Variants in SNTG2 observed in about 807,000 individuals in gnomAD.
The protein encoded by SNTG2 is gamma-2-syntrophin.
A neutral mutation model predicts 70.9 loss-of-function variants in SNTG2; 74 were observed. That is an observed-to-expected ratio of 1.04 (90% CI 0.86 to 1.27). SNTG2 has a LOEUF of 1.27. Ranked by LOEUF, SNTG2 falls within the 50% of genes most tolerant of loss-of-function variation. The pLI is 0.00. For synonymous variants in SNTG2, 278 were observed against 273.8 expected (o/e 1.02, Z -0.15); for missense variants, 717 against 690.7 (o/e 1.04, Z -0.43).
chr2:1,223,364 G>C (rs909293425), intron 9 of SNTG2, among the ~76,000 whole-genome samples: 4 of 73,556 alleles, frequency 5.4e-5, no homozygotes, highest in Non-Finnish European at 1.2e-4. Flanking sequence ...CTGTCCTGCC[G>C]TGGAGGTGCT....
At chr2:970,189 C>G (rs1363003283) in intron 1 of SNTG2, among the ~76,000 whole-genome samples, 1 of 152,160 alleles carries the variant, frequency 6.6e-6, no homozygotes, top group East Asian at 1.9e-4. Context: ...GTTGAACCAA[C>G]CTTGCATCCC....
chr2:1,247,577 G>A, intron 12 of SNTG2, 134 bp downstream of exon 12: 2 of 623,548 alleles, frequency 3.2e-6, no homozygotes, highest in South Asian at 4.0e-5. Context: ...TTTCTGCATG[G>A]TTGGAAAGGA....
chr2:1,255,195 C>T (rs145131350), intron 12 of SNTG2, among the ~76,000 whole-genome samples: 9 of 152,282 alleles, frequency 5.9e-5, no homozygotes, highest in African/African-American at 2.2e-4. Context: ...ATTCGTTTGT[C>T]CAATGAGCGG....
At chr2:965,591 C>G (rs188284703) in intron 1 of SNTG2, among the ~76,000 whole-genome samples, 1 of 151,742 alleles carries the variant, frequency 6.6e-6, no homozygotes, top group Admixed American at 6.6e-5. Flanking sequence ...CTGTGGCCCC[C>G]TCCTCCTCCG....
intron 14 of SNTG2, among the ~76,000 whole-genome samples, chr2:1,278,923 C>T (rs901616894): frequency 1.3e-5 from 2 of 150,494 alleles, no homozygotes; most frequent in Admixed American, 6.6e-5. Context: ...CCCCGGGACG[C>T]GAATCACCCC....
intron 1 of SNTG2, among the ~76,000 whole-genome samples, chr2:1,037,350 G>A (rs1379875145): frequency 2.0e-5 from 3 of 152,226 alleles, no homozygotes; most frequent in Non-Finnish European, 2.9e-5. Flanking sequence ...AGGCTATGCT[G>A]CCATAGCCCT....
intron 8 of SNTG2, among the ~76,000 whole-genome samples, chr2:1,178,937 C>T (rs1380525915): frequency 6.6e-6 from 1 of 151,966 alleles, no homozygotes. Context: ...TGGTCCTGGA[C>T]TCTTTTTGGT....
At chr2:1,258,355 G>A (rs1045422378) in intron 12 of SNTG2, among the ~76,000 whole-genome samples, 2 of 152,146 alleles carry the variant, frequency 1.3e-5, no homozygotes, top group African/African-American at 2.4e-5. Flanking sequence ...CTTAAAGTTC[G>A]TATTCTAATT....
At chr2:1,225,643 A>G (rs1675723341) in intron 9 of SNTG2, among the ~76,000 whole-genome samples, 1 of 152,152 alleles carries the variant, frequency 6.6e-6, no homozygotes, top group Non-Finnish European at 1.5e-5. Context: ...TCCTGTGCAC[A>G]CTCAGTCCTG....
intron 14 of SNTG2, among the ~76,000 whole-genome samples, chr2:1,301,913 C>T (rs560857062): frequency 1.3e-5 from 2 of 151,066 alleles, no homozygotes; most frequent in East Asian, 3.9e-4. Flanking sequence ...CCATGGTGAG[C>T]GAGAGTGCAG....
At chr2:1,144,297 A>G (rs1668957060) in intron 6 of SNTG2, among the ~76,000 whole-genome samples, 1 of 152,186 alleles carries the variant, frequency 6.6e-6, no homozygotes, top group African/African-American at 2.4e-5. Flanking sequence ...CCAGAAATGG[A>G]TAGACCCACC....
At chr2:1,002,075 G>C (rs1572209396) in intron 1 of SNTG2, among the ~76,000 whole-genome samples, 1 of 152,138 alleles carries the variant, frequency 6.6e-6, no homozygotes, top group Middle Eastern at 3.4e-3. Flanking sequence ...GAAGAATTCA[G>C]CTGGATCCAT....
intron 1 of SNTG2, among the ~76,000 whole-genome samples, chr2:1,016,292 A>G (rs1659889483): frequency 6.6e-6 from 1 of 152,150 alleles, no homozygotes; most frequent in Non-Finnish European, 1.5e-5. Flanking sequence ...CCCAGGCTGG[A>G]GTTCAGTGGC....
chr2:1,044,191 A>G (rs763790435), intron 1 of SNTG2, among the ~76,000 whole-genome samples: 4 of 151,846 alleles, frequency 2.6e-5, no homozygotes, highest in Non-Finnish European at 4.4e-5. Flanking sequence ...GCTGTTGTGA[A>G]TTTGGCTCTC....
At chr2:993,315 G>A (rs913111611) in intron 1 of SNTG2, among the ~76,000 whole-genome samples, 3 of 146,452 alleles carry the variant, frequency 2.0e-5, no homozygotes, top group Non-Finnish European at 4.4e-5. Context: ...TTAGCATAAT[G>A]ATTTCAAGTT....
intron 1 of SNTG2, among the ~76,000 whole-genome samples, chr2:967,845 A>C (rs956766079): frequency 2.0e-5 from 3 of 152,204 alleles, no homozygotes; most frequent in African/African-American, 7.2e-5. Flanking sequence ...CCTGGCCAAC[A>C]TGGTGAAACC....
chr2:1,070,125 CCAGT>C (rs1663433786), intron 1 of SNTG2, among the ~76,000 whole-genome samples: 1 of 151,954 alleles, frequency 6.6e-6, no homozygotes, highest in Non-Finnish European at 1.5e-5. Context: ...GCAATTTCTG[CCAGT>C]CAGTCTGAGG....
chr2:975,115 A>G (rs1660868019), intron 1 of SNTG2, among the ~76,000 whole-genome samples: 1 of 151,706 alleles, frequency 6.6e-6, no homozygotes, highest in African/African-American at 2.4e-5. Context: ...CACACCACAC[A>G]CTTGCACTAA....
chr2:1,229,553 C>G (rs557194206), intron 9 of SNTG2, among the ~76,000 whole-genome samples: 3 of 152,244 alleles, frequency 2.0e-5, no homozygotes, highest in Non-Finnish European at 2.9e-5. Context: ...GATCCGGCAC[C>G]GGGGCTGCAG....
Sources: gnomAD v4.1 joint callset for allele counts (sites outside exome capture counted in the v4.1 genomes callset) on GRCh38, gnomAD v4.1.1 for gene constraint, MANE v1.5 for transcripts, NCBI Gene and HGNC (gene_info 2026-07-23, HGNC 2026-07-21) for gene names.